The following MYH10 variants were observed in gnomAD, a reference collection of about 807,000 sequenced individuals.
MYH10 encodes myosin heavy chain 10.
Under a neutral mutation model 257.8 loss-of-function variants are expected in MYH10, and 55 were observed. That is an observed-to-expected ratio of 0.21 (90% CI 0.17 to 0.27). MYH10 has a LOEUF of 0.27. MYH10 is among the 10% of genes least tolerant of loss of function. The probability of loss-of-function intolerance (pLI) is 1.00; values close to 1 mark genes in which losing one functional copy is unlikely to be tolerated. For missense variants in MYH10, 1,631 were observed against 2,500.6 expected (o/e 0.65, Z 7.42); for synonymous variants, 854 against 921.7 (o/e 0.93, Z 1.33).
chr17:8,570,851 C>T (rs899056748), intron 6 of MYH10, among the ~76,000 whole-genome samples: 4 of 152,146 alleles, frequency 2.6e-5, no homozygotes, highest in East Asian at 1.9e-4. Context: ...AGTTCTGTCA[C>T]GCCGCCCTGG....
intron 2 of MYH10, among the ~76,000 whole-genome samples, chr17:8,608,260 T>C (rs780226290): frequency 2.6e-5 from 4 of 152,158 alleles, no homozygotes; most frequent in African/African-American, 4.8e-5. Context: ...GGAGAACACA[T>C]TGAAGGGGCA....
intron 17 of MYH10, among the ~76,000 whole-genome samples, chr17:8,523,541 A>C (rs1474299450): frequency 6.6e-6 from 1 of 152,144 alleles, no homozygotes; most frequent in Non-Finnish European, 1.5e-5. Flanking sequence ...GTGAAAGACC[A>C]GGGGCAGGAA....
chr17:8,529,615 C>T (rs2081956701), intron 17 of MYH10, among the ~76,000 whole-genome samples: 1 of 152,150 alleles, frequency 6.6e-6, no homozygotes, highest in African/African-American at 2.4e-5. Context: ...ATAATCTTTT[C>T]TCTCCTCCCA....
At chr17:8,510,546 A>C (rs561623228) in intron 24 of MYH10, among the ~76,000 whole-genome samples, 1 of 152,336 alleles carries the variant, frequency 6.6e-6, no homozygotes, top group East Asian at 1.9e-4. Flanking sequence ...AATATTGAGT[A>C]ACTATGAACA....
At position 8,501,094 on chromosome 17, in the gene MYH10, G is replaced by A. The variant is rs1917441043; in HGVS notation, c.3600-124C>T. 2.9e-6 allele frequency: 3 copies of A among 1,051,706 alleles called. No individual in the cohort carries two copies. In the South Asian group the frequency reaches 4.8e-5, roughly 17 times the overall value. 65.1% of individuals were successfully genotyped at this position (1,051,706 alleles called of 1,614,324 possible). A position where few individuals can be genotyped will look rare whatever the true frequency, so the allele number is the denominator to read the frequency against. ...TAAATTCCCTTAATAAATACTTGATGTGCTATTTCCAGTAGGCTGGCAGGT... is the reference window on the plus strand; with the variant it reads ...TAAATTCCCTTAATAAATACTTGATATGCTATTTCCAGTAGGCTGGCAGGT... On this transcript the variant is annotated intron_variant, in intron 28 of 42. Transcript: ENST00000360416.
intron 6 of MYH10, among the ~76,000 whole-genome samples, chr17:8,570,596 T>C (rs2083301597): frequency 6.6e-6 from 1 of 152,254 alleles, no homozygotes; most frequent in East Asian, 1.9e-4. Context: ...TTCAGAATTA[T>C]ATTTTATGAC....
chr17:8,512,948 T>C lies in MYH10; in HGVS notation c.2746-291A>G, dbSNP rs541334120. ...CAGATAAATAGGAGAGTGAAAATAT[T>C]ATTCAAATGCCATAAAGTTCATGGT... On this transcript the variant is annotated intron_variant, in intron 23 of 42. Coordinates refer to ENST00000360416, the MANE Select transcript of MYH10 (RefSeq NM_001256012.3). Among the ~76,000 whole-genome samples, 4 of 152,308 alleles carry C rather than the reference T, an allele frequency of 2.6e-5. No individual in the cohort carries two copies. In the South Asian group the frequency reaches 8.3e-4, roughly 32 times the overall value.
chr17:8,482,316 C>A (rs906412529), intron 37 of MYH10, among the ~76,000 whole-genome samples: 1 of 152,200 alleles, frequency 6.6e-6, no homozygotes, highest in Non-Finnish European at 1.5e-5. Flanking sequence ...CAGGGCTGCA[C>A]GGGAGCTCCT....
chr17:8,589,106 G>A lies in MYH10; in HGVS notation c.505C>T (p.Arg169Cys), dbSNP rs775459881. 9 of 1,612,864 alleles carry A rather than the reference G, an allele frequency of 5.6e-6. No individual in the cohort carries two copies. The highest frequency in any genetic ancestry group is 3.3e-5 in the Admixed American group (2 of 59,814). ...GTGCAAAGAATTGACTGGTCCTCAC[G>A]ATCTATAAAACAGAACAAAACAAAC... ...ESAYRCMLQDREDQSILCTGE... is the reference protein window; with the variant it reads ...ESAYRCMLQDCEDQSILCTGE... The change falls in exon 4 of 43, where the codon CGT becomes TGT. Residue 169 changes from arginine to cysteine, a missense_variant and splice_region_variant. Physicochemically the swap from Arg to Cys is radical, Grantham distance 180. Around this residue, in one of 11 missense-constraint regions of MYH10, gnomAD observed 360 missense variants for 581.9 expected, o/e 0.62. Coordinates refer to ENST00000360416, the MANE Select transcript of MYH10 (RefSeq NM_001256012.3).
At chr17:8,493,584 C>T (rs1916104905) in intron 32 of MYH10, 149 bp downstream of exon 32, 2 of 864,568 alleles carry the variant, frequency 2.3e-6, no homozygotes, top group Admixed American at 3.1e-5. Context: ...CAGCATGTGG[C>T]TGGGTCAAGA....
intron 3 of MYH10, among the ~76,000 whole-genome samples, chr17:8,591,614 A>C (rs1348474408): frequency 6.6e-6 from 1 of 152,240 alleles, no homozygotes; most frequent in African/African-American, 2.4e-5. Flanking sequence ...ACATTAAAGA[A>C]ATCAAAGCAC....
chr17:8,608,609 G>A (rs2084898814), intron 2 of MYH10, among the ~76,000 whole-genome samples: 1 of 152,196 alleles, frequency 6.6e-6, no homozygotes, highest in African/African-American at 2.4e-5. Flanking sequence ...GGAAAATCCT[G>A]AAGAGCTGCA....
chr17:8,576,972 CTCAGCAAATCTTTGCAAGAAAT>C (rs2083521795), intron 5 of MYH10, among the ~76,000 whole-genome samples: 1 of 152,174 alleles, frequency 6.6e-6, no homozygotes. Context: ...CTGAACAATT[CTCAGCAAATCTTTGCAAGAAAT>C]TAGGCATCAA....
At chr17:8,497,272 T>G (rs539839631) in intron 30 of MYH10, among the ~76,000 whole-genome samples, 7 of 152,330 alleles carry the variant, frequency 4.6e-5, no homozygotes, top group Non-Finnish European at 1.0e-4. Context: ...TAATTCTTTT[T>G]CAATGTGGCA....
At chr17:8,550,473 G>A (rs1343129361) in intron 9 of MYH10, among the ~76,000 whole-genome samples, 1 of 151,530 alleles carries the variant, frequency 6.6e-6, no homozygotes, top group Non-Finnish European at 1.5e-5. Flanking sequence ...TCTGAGAAGT[G>A]AGGAGCCTCT....
chr17:8,497,948 TG>T, intron 30 of MYH10, among the ~76,000 whole-genome samples: 1 of 147,438 alleles, frequency 6.8e-6, no homozygotes. Context: ...TTATAGTATA[TG>T]GGAGGATGTG....
At chr17:8,517,256 T>C (rs1220924431) in intron 21 of MYH10, among the ~76,000 whole-genome samples, 1 of 152,256 alleles carries the variant, frequency 6.6e-6, no homozygotes, top group Non-Finnish European at 1.5e-5. Context: ...CTTTTTACTC[T>C]GTATTCTATT....
intron 4 of MYH10, among the ~76,000 whole-genome samples, chr17:8,582,221 A>C (rs554524254): frequency 4.6e-5 from 7 of 152,352 alleles, no homozygotes; most frequent in Admixed American, 1.3e-4. Flanking sequence ...GAAACAGAGG[A>C]GGTAACTAAA....
At chr17:8,572,700 A>G (rs1296036664) in intron 6 of MYH10, among the ~76,000 whole-genome samples, 1 of 152,020 alleles carries the variant, frequency 6.6e-6, no homozygotes, top group Admixed American at 6.6e-5. Context: ...GTAATGGTGG[A>G]CTCAGGCACT....
Sources: gnomAD v4.1 joint callset for allele counts (sites outside exome capture counted in the v4.1 genomes callset) on GRCh38, gnomAD v4.1.1 for gene constraint, gnomAD v4.1.1 regional missense constraint, MANE v1.5 for transcripts, NCBI Gene and HGNC (gene_info 2026-07-23, HGNC 2026-07-21) for gene names.